The following AGBL4 variants were observed in gnomAD, a reference collection of about 807,000 sequenced individuals.
The protein encoded by AGBL4 is AGBL carboxypeptidase 4.
AGBL4 carries 58 observed loss-of-function variants against 66.4 expected under a neutral mutation model. The ratio of observed to expected loss-of-function variants is 0.87; its 90% CI spans 0.71 to 1.09. The LOEUF is 1.09. Among genes scored for constraint, AGBL4 ranks in the 50% least tolerant of loss-of-function variants. The pLI is 0.00. For synonymous variants in AGBL4, 234 were observed against 222.9 expected, an observed-to-expected ratio of 1.05 and a Z score of -0.44; for missense variants, 579 against 631.0, an observed-to-expected ratio of 0.92 and a Z score of 0.88.
At chr1:49,898,932 C>T (rs966802283) in intron 1 of AGBL4, among the ~76,000 whole-genome samples, 2 of 151,970 alleles carry the variant, frequency 1.3e-5, no homozygotes, top group Non-Finnish European at 2.9e-5. Flanking sequence ...CCAAACTGAA[C>T]TCATGGAGAC....
intron 2 of AGBL4, among the ~76,000 whole-genome samples, chr1:49,772,043 C>A (rs965957865): frequency 6.6e-6 from 1 of 151,966 alleles, no homozygotes; most frequent in Admixed American, 6.6e-5. Flanking sequence ...TTTTGTAGAT[C>A]CCTTCTTCCT....
Position 48,931,958 on chromosome 1 carries a change from C to G in AGBL4, c.595-64728G>C, listed in dbSNP as rs1037655615. On this transcript the variant is annotated intron_variant, in intron 5 of 13. Transcript: ENST00000371839. ...CTCTTCTCCCTGCATGCAAAATCAG[C>G]CCATCCTTCCCAGGAAAGAGTATGG... 2.6e-5 allele frequency among the ~76,000 whole-genome samples: 4 copies of G among 152,270 alleles called. No homozygotes were observed. The East Asian group carries it at 7.7e-4, about 29-fold the overall frequency.
intron 6 of AGBL4, among the ~76,000 whole-genome samples, chr1:48,713,289 C>A (rs1197686653): frequency 6.6e-6 from 1 of 152,088 alleles, no homozygotes; most frequent in Non-Finnish European, 1.5e-5. Flanking sequence ...GAGAAGTAAC[C>A]CAGGAGCTGG....
intron 3 of AGBL4, among the ~76,000 whole-genome samples, chr1:49,421,030 A>G (rs1433283221): frequency 1.3e-5 from 2 of 152,208 alleles, no homozygotes; most frequent in East Asian, 3.8e-4. Flanking sequence ...TCTCACTATA[A>G]CAAATTCTAA....
chr1:49,722,403 C>A (rs1418465075), intron 2 of AGBL4, among the ~76,000 whole-genome samples: 1 of 152,074 alleles, frequency 6.6e-6, no homozygotes, highest in East Asian at 1.9e-4. Flanking sequence ...TAGTCTAACT[C>A]CTGGAGTTGA....
At chr1:49,935,338 A>C (rs1026068086) in intron 1 of AGBL4, among the ~76,000 whole-genome samples, 1 of 152,238 alleles carries the variant, frequency 6.6e-6, no homozygotes, top group African/African-American at 2.4e-5. Flanking sequence ...GGGAAGCTCG[A>C]ACTGGGTGGA....
intron 4 of AGBL4, among the ~76,000 whole-genome samples, chr1:49,122,237 A>G (rs528359274): frequency 7.7e-4 from 117 of 152,298 alleles, no homozygotes; most frequent in Non-Finnish European, 1.4e-3. Context: ...ACCAGTCCCA[A>G]TGAGATGAAC....
chr1:48,872,813 C>T (rs1354165442), intron 5 of AGBL4, among the ~76,000 whole-genome samples: 1 of 152,116 alleles, frequency 6.6e-6, no homozygotes, highest in African/African-American at 2.4e-5. Context: ...ATGAGGTACT[C>T]AGCCATAAAA....
At chr1:48,636,651 T>C (rs1279949275) in intron 8 of AGBL4, among the ~76,000 whole-genome samples, 1 of 152,214 alleles carries the variant, frequency 6.6e-6, no homozygotes, top group Non-Finnish European at 1.5e-5. Context: ...TCTACAGACA[T>C]ATTCATGCAG....
At chr1:48,978,471 C>G (rs888520478) in intron 5 of AGBL4, among the ~76,000 whole-genome samples, 1 of 152,136 alleles carries the variant, frequency 6.6e-6, no homozygotes, top group Non-Finnish European at 1.5e-5. Context: ...CTAGAACCAG[C>G]CTCTTTATGT....
chr1:48,997,973 T>G lies in AGBL4; in HGVS notation c.594+47611A>C, dbSNP rs72895652. ...TTATAAGCCTTTCACAGTAAGTTTC[T>G]TTTTAAGATGATGGTGAATACAACT... On this transcript the variant is annotated intron_variant, in intron 5 of 13. Transcript: ENST00000371839. Among the ~76,000 whole-genome samples the G allele has an allele frequency of 9.0e-3, 1,365 of 152,344 alleles. 23 individuals carry two copies. The highest frequency in any genetic ancestry group is 0.025 in the African/African-American group (1,060 of 41,574).
intron 3 of AGBL4, among the ~76,000 whole-genome samples, chr1:49,383,433 T>A (rs1466100370): frequency 6.6e-6 from 1 of 152,130 alleles, no homozygotes; most frequent in Non-Finnish European, 1.5e-5. Flanking sequence ...AGTATGATAC[T>A]AGCATAAAGA....
At chr1:49,910,753 A>G (rs1031661504) in intron 1 of AGBL4, among the ~76,000 whole-genome samples, 12 of 152,186 alleles carry the variant, frequency 7.9e-5, no homozygotes, top group African/African-American at 2.2e-4. Context: ...AGGCGGGCAG[A>G]TTGCCTGAGC....
chr1:48,644,800 G>T (rs1363483112), intron 8 of AGBL4, among the ~76,000 whole-genome samples: 1 of 152,132 alleles, frequency 6.6e-6, no homozygotes, highest in Non-Finnish European at 1.5e-5. Context: ...TCTTTCTGAG[G>T]GTCAATGGGG....
intron 3 of AGBL4, among the ~76,000 whole-genome samples, chr1:49,665,281 G>T (rs1646340597): frequency 6.6e-6 from 1 of 152,010 alleles, no homozygotes; most frequent in Non-Finnish European, 1.5e-5. Context: ...AGATCCAAAT[G>T]GCCTGTTTTT....
chr1:49,275,591 A>C (rs1644151764), intron 3 of AGBL4, among the ~76,000 whole-genome samples: 2 of 152,190 alleles, frequency 1.3e-5, no homozygotes, highest in Non-Finnish European at 2.9e-5. Context: ...ATTATAATTT[A>C]ACCTTAGTAA....
At chr1:48,893,645 A>T (rs1385089621) in intron 5 of AGBL4, among the ~76,000 whole-genome samples, 10 of 151,922 alleles carry the variant, frequency 6.6e-5, no homozygotes, top group Non-Finnish European at 8.8e-5. Flanking sequence ...AGATGGCGCC[A>T]CTGCACTCCA....
At chr1:49,919,390 T>C (rs1651953026) in intron 1 of AGBL4, among the ~76,000 whole-genome samples, 1 of 152,148 alleles carries the variant, frequency 6.6e-6, no homozygotes, top group South Asian at 2.1e-4. Flanking sequence ...AGCAGCAAAG[T>C]CTCAAGATAC....
At chr1:49,282,528 C>T (rs1276731415) in intron 3 of AGBL4, among the ~76,000 whole-genome samples, 3 of 152,096 alleles carry the variant, frequency 2.0e-5, no homozygotes, top group East Asian at 3.9e-4. Context: ...CCAAGATGGC[C>T]GAATAGGAAC....
Sources: gnomAD v4.1 joint callset for allele counts (sites outside exome capture counted in the v4.1 genomes callset) on GRCh38, gnomAD v4.1.1 for gene constraint, MANE v1.5 for transcripts, NCBI Gene and HGNC (gene_info 2026-07-23, HGNC 2026-07-21) for gene names.